ARMH4: variants seen among roughly 807,000 people sequenced by gnomAD.
ARMH4 encodes the protein armadillo-like helical domain-containing protein 4.
A neutral mutation model predicts 61.9 loss-of-function variants in ARMH4; 49 were observed. The observed-to-expected ratio is 0.79, with a 90% CI of 0.63 to 1.00. ARMH4 has a LOEUF of 1.00. ARMH4 is among the 50% of genes least tolerant of loss of function. The pLI is 0.00. For synonymous variants in ARMH4, 368 were observed against 341.5 expected, an observed-to-expected ratio of 1.08 and a Z score of -0.85; for missense variants, 934 against 930.0, an observed-to-expected ratio of 1.00 and a Z score of -0.06.
At chr14:58,097,042 G>T in intron 4 of ARMH4, 61 bp from the exon 5 acceptor site, 2 of 1,514,026 alleles carry the variant, frequency 1.3e-6, no homozygotes, top group South Asian at 1.1e-5. Context: ...TGAAACAAAT[G>T]AATCCTTGGA....
chr14:58,091,169 G>T (rs570844850), intron 5 of ARMH4, among the ~76,000 whole-genome samples: 1 of 150,482 alleles, frequency 6.6e-6, no homozygotes. Context: ...CCAAGATCAC[G>T]CCACTGCACT....
At chr14:58,101,675 C>T (rs1425793288) in intron 4 of ARMH4, 1 of 150,772 alleles carries the variant, frequency 6.6e-6, no homozygotes, top group Admixed American at 6.6e-5. Flanking sequence ...GAGATTTTAA[C>T]CAGAAAAAAA....
At chr14:58,063,429 A>C (rs771077530) in intron 5 of ARMH4, among the ~76,000 whole-genome samples, 1 of 152,210 alleles carries the variant, frequency 6.6e-6, no homozygotes, top group Non-Finnish European at 1.5e-5. Flanking sequence ...TTTGACCCAT[A>C]ATAAAAGCCA....
At chr14:58,029,915 G>A (rs1295138191) in intron 5 of ARMH4, among the ~76,000 whole-genome samples, 2 of 152,056 alleles carry the variant, frequency 1.3e-5, no homozygotes, top group African/African-American at 4.8e-5. Context: ...AATGTTCATA[G>A]CAACACTACC....
Position 58,139,190 on chromosome 14 carries a change from T to G in ARMH4, c.169A>C (p.Asn57His), listed in dbSNP as rs1157833043. Residue 57 changes from asparagine (N) to histidine (H), a missense_variant, in exon 2 of 8, where the codon AAT becomes CAT. Physicochemically the swap from Asn to His is moderately conservative, Grantham distance 68 (BLOSUM62 1). Transcript: ENST00000267485. ...GTCTGCTTTGAGGTAACAGAGCTAT[T>G]TTCTAGGTCATCGGTGTTCATCTTA... ...SDKMNTDDLENSSVTSKQTPQ... is the reference protein window; with the variant it reads ...SDKMNTDDLEHSSVTSKQTPQ... 1 of 1,614,094 alleles carries G rather than the reference T, an allele frequency of 6.2e-7. No homozygotes were observed. The highest frequency in any genetic ancestry group is 1.3e-5 in the African/African-American group (1 of 74,940).
intron 4 of ARMH4, chr14:58,116,407 G>C (rs1466658106): frequency 2.5e-6 from 1 of 398,738 alleles, no homozygotes; most frequent in East Asian, 7.8e-5. Context: ...GGGTGCAGGA[G>C]TTCACACTTG....
At chr14:58,018,105 C>T (rs1882681633) in intron 5 of ARMH4, among the ~76,000 whole-genome samples, 1 of 152,126 alleles carries the variant, frequency 6.6e-6, no homozygotes, top group Non-Finnish European at 1.5e-5. Context: ...TCATCTCACA[C>T]CATATACAAA....
At chr14:58,128,636 C>T (rs527429799) in intron 4 of ARMH4, among the ~76,000 whole-genome samples, 8 of 152,150 alleles carry the variant, frequency 5.3e-5, no homozygotes, top group Non-Finnish European at 1.0e-4. Flanking sequence ...AGGTGGCAGG[C>T]ACTTATCAAG....
At chr14:58,112,273 G>A (rs995317813) in intron 4 of ARMH4, among the ~76,000 whole-genome samples, 9 of 143,952 alleles carry the variant, frequency 6.3e-5, no homozygotes, top group Non-Finnish European at 3.1e-5. Context: ...CACTTTTTCT[G>A]TGCTTAATTT....
chr14:58,026,232 T>G (rs887869802), intron 5 of ARMH4, among the ~76,000 whole-genome samples: 7 of 152,148 alleles, frequency 4.6e-5, no homozygotes, highest in African/African-American at 1.7e-4. Flanking sequence ...TGTGTCTTCC[T>G]TTTTCTTCCC....
At chr14:58,046,870 C>T (rs1883963199) in intron 5 of ARMH4, among the ~76,000 whole-genome samples, 1 of 152,118 alleles carries the variant, frequency 6.6e-6, no homozygotes, top group South Asian at 2.1e-4. Context: ...TAACCGTAAG[C>T]CTACATAAAA....
At chr14:58,009,807 C>CAAAAA (rs1180997628) in intron 6 of ARMH4, among the ~76,000 whole-genome samples, 2 of 46,806 alleles carry the variant, frequency 4.3e-5, no homozygotes, top group Non-Finnish European at 8.4e-5. Context: ...CAAGACTCTG[C>CAAAAA]AAAAAAAAAA....
At chr14:58,132,863 G>A (rs1425272071) in intron 3 of ARMH4, among the ~76,000 whole-genome samples, 1 of 152,106 alleles carries the variant, frequency 6.6e-6, no homozygotes, top group Non-Finnish European at 1.5e-5. Flanking sequence ...GGGATTACAG[G>A]CGTGAGCCAC....
chr14:58,012,348 T>A (rs1882441936), intron 5 of ARMH4, among the ~76,000 whole-genome samples, 198 bp from the exon 6 acceptor site: 1 of 152,240 alleles, frequency 6.6e-6, no homozygotes, highest in Admixed American at 6.5e-5. Context: ...ACATCCCTCA[T>A]ATCATTATTA....
intron 1 of ARMH4, among the ~76,000 whole-genome samples, chr14:58,143,455 T>C (rs148204613): frequency 8.5e-5 from 13 of 152,230 alleles, no homozygotes; most frequent in African/African-American, 3.1e-4. Context: ...GCTAGCATTG[T>C]TTTTGTTTAT....
chr14:58,011,631 C>A (rs1412749036), intron 6 of ARMH4, among the ~76,000 whole-genome samples: 1 of 152,146 alleles, frequency 6.6e-6, no homozygotes, highest in Non-Finnish European at 1.5e-5. Flanking sequence ...TTGTCAATCA[C>A]TATGTAGATG....
chr14:58,067,467 G>A (rs893468329), intron 5 of ARMH4, among the ~76,000 whole-genome samples: 2 of 152,190 alleles, frequency 1.3e-5, no homozygotes, highest in African/African-American at 4.8e-5. Context: ...GGTGAAAGAA[G>A]TGGGGAGGCA....
chr14:58,013,677 C>G (rs1882496011), intron 5 of ARMH4, among the ~76,000 whole-genome samples: 1 of 152,064 alleles, frequency 6.6e-6, no homozygotes, highest in South Asian at 2.1e-4. Context: ...AGATTATGCT[C>G]AGGGAAAAGA....
chr14:58,126,452 T>A (rs1416682849), intron 4 of ARMH4, among the ~76,000 whole-genome samples: 2 of 152,152 alleles, frequency 1.3e-5, no homozygotes, highest in African/African-American at 2.4e-5. Context: ...ACACTGCAAA[T>A]AAATACTGGA....
Sources: gnomAD v4.1 joint callset for allele counts (sites outside exome capture counted in the v4.1 genomes callset) on GRCh38, gnomAD v4.1.1 for gene constraint, MANE v1.5 for transcripts, NCBI Gene and HGNC (gene_info 2026-07-23, HGNC 2026-07-21) for gene names.